Variants in EIF4G3 observed in about 807,000 individuals in gnomAD.
The protein encoded by EIF4G3 is eIF-4-gamma 3.
EIF4G3 carries 34 observed loss-of-function variants against 186.4 expected under a neutral mutation model. That is an observed-to-expected ratio of 0.18 (90% CI 0.14 to 0.24). EIF4G3 has a LOEUF of 0.24. EIF4G3 is among the 10% of genes least tolerant of loss of function. The pLI, the probability that EIF4G3 is intolerant of heterozygous loss-of-function variation, is 1.00. For missense variants in EIF4G3, 1,536 were observed against 1,948.5 expected (o/e 0.79, Z 3.99); for synonymous variants, 673 against 679.5 (o/e 0.99, Z 0.15).
chr1:21,136,320 C>G (rs1373097564), intron 2 of EIF4G3, among the ~76,000 whole-genome samples: 5 of 152,030 alleles, frequency 3.3e-5, no homozygotes, highest in Non-Finnish European at 7.4e-5. Flanking sequence ...AGTTCAAGGC[C>G]AACCTGACCA....
chr1:20,965,126 C>T (rs1427994626), intron 12 of EIF4G3, among the ~76,000 whole-genome samples: 1 of 152,184 alleles, frequency 6.6e-6, no homozygotes, highest in Non-Finnish European at 1.5e-5. Flanking sequence ...CCAAACATAA[C>T]TTTTCCCTGG....
chr1:21,174,848 C>G (rs1046059746), intron 2 of EIF4G3: 4 of 152,214 alleles, frequency 2.6e-5, no homozygotes, highest in African/African-American at 9.7e-5. Context: ...TATCTTTACA[C>G]TGCACCGCGG....
chr1:20,920,745 T>C (rs1040581056), intron 14 of EIF4G3, among the ~76,000 whole-genome samples: 2 of 151,648 alleles, frequency 1.3e-5, no homozygotes, highest in African/African-American at 4.9e-5. Context: ...AGAGCTTGGG[T>C]TTTTTTTCCC....
rs183856702 is a variant in EIF4G3 at position 20,942,140 on chromosome 1, G to A, written c.1014C>T (p.Pro338=). 36 of 1,614,128 alleles carry A rather than the reference G, an allele frequency of 2.2e-5. No individual in the cohort carries two copies. The highest frequency in any genetic ancestry group is 2.7e-5 in the Non-Finnish European group (32 of 1,180,006). ...SSVARSTIAA[P]TSSALSSQPI... is the part of the protein sequence containing the mutation. ...GTTGGCTACTAAGAGCAGAAGAGGTGGGGGCTGCAATTGTACTTCGAGCAA... is the reference window on the plus strand; with the variant it reads ...GTTGGCTACTAAGAGCAGAAGAGGTAGGGGCTGCAATTGTACTTCGAGCAA... The change falls in exon 14 of 37, where the codon CCC becomes CCT. Residue 338 remains proline, a synonymous_variant. Transcript: ENST00000602326.
intron 3 of EIF4G3, 136 bp downstream of exon 3, chr1:21,089,002 T>G: frequency 1.6e-6 from 1 of 613,368 alleles, no homozygotes; most frequent in Non-Finnish European, 2.9e-6. Context: ...AAAGGGCCTA[T>G]CATTCTATTC....
rs553564584 is a variant in EIF4G3, at chr1:20,844,847, A to C, written c.3889-3819T>G. On this transcript the variant is annotated intron_variant, in intron 29 of 36. Coordinates refer to ENST00000602326, the MANE Select transcript of EIF4G3 (RefSeq NM_001391906.1). ...CACTCCATCTCAAAAAACAAACAAA[A>C]AAAAGACAACAACAAAAAAAACCTT... 1.1e-4 allele frequency among the ~76,000 whole-genome samples: 17 copies of C among 152,228 alleles called. 1 individual carries two copies. In the South Asian group the frequency reaches 3.5e-3, roughly 32 times the overall value.
At chr1:20,885,563 T>C (rs142673664) in intron 19 of EIF4G3, among the ~76,000 whole-genome samples, 82 of 152,294 alleles carry the variant, frequency 5.4e-4, no homozygotes, top group African/African-American at 1.9e-3. Flanking sequence ...TTTAAGAGAC[T>C]CCAGTTTTGG....
At chr1:20,882,439 G>A (rs2082675914) in intron 19 of EIF4G3, among the ~76,000 whole-genome samples, 1 of 151,962 alleles carries the variant, frequency 6.6e-6, no homozygotes, top group South Asian at 2.1e-4. Flanking sequence ...GGTCAATGTG[G>A]TGAAACCCCG....
intron 7 of EIF4G3, among the ~76,000 whole-genome samples, chr1:20,989,541 G>A (rs2080515419): frequency 1.6e-5 from 1 of 64,286 alleles, no homozygotes. Flanking sequence ...TGGATAACAA[G>A]AGCAAAACTC....
rs1163268356 is a variant in EIF4G3 at position 20,943,974 on chromosome 1, T to TTGTG, written c.824-1648_824-1645dup. Among the ~76,000 whole-genome samples the TTGTG allele has an allele frequency of 1.9e-3, 120 of 62,520 alleles. 2 individuals carry two copies. Among genetic ancestry groups the TTGTG allele is most frequent in the African/African-American group, 6.1e-3 (112 of 18,278 alleles). The allele number at this position is 62,520 out of a possible 152,430, so 41.0% of individuals were successfully genotyped here. ...TCAGGAAAACTTGTCTTTATTTTTT[T>TTGTG]TGTGTGTGTGTGTGTGTGTGTGTGT... On this transcript the variant is annotated intron_variant, in intron 13 of 36. Transcript: ENST00000602326.
intron 28 of EIF4G3, among the ~76,000 whole-genome samples, chr1:20,850,106 T>A (rs1274448785): frequency 1.3e-5 from 2 of 152,164 alleles, no homozygotes; most frequent in African/African-American, 4.8e-5. Context: ...TAGAACTAAA[T>A]TCCTTCCTTC....
intron 34 of EIF4G3, among the ~76,000 whole-genome samples, chr1:20,813,884 G>A (rs940573748): frequency 6.7e-5 from 10 of 148,956 alleles, no homozygotes; most frequent in East Asian, 3.9e-4. Flanking sequence ...ATACCCTTGC[G>A]TATCAGATAA....
At chr1:21,096,921 T>C (rs1281043129) in intron 2 of EIF4G3, among the ~76,000 whole-genome samples, 3 of 152,212 alleles carry the variant, frequency 2.0e-5, no homozygotes, top group Admixed American at 6.5e-5. Flanking sequence ...GTTTCAGTGA[T>C]GGAACTTAGG....
At chr1:21,128,886 C>T (rs2097099509) in intron 2 of EIF4G3, among the ~76,000 whole-genome samples, 1 of 152,130 alleles carries the variant, frequency 6.6e-6, no homozygotes, top group Admixed American at 6.6e-5. Context: ...ATCACACTCA[C>T]TTTAAAAGGA....
chr1:21,092,399 T>A (rs982666959), intron 2 of EIF4G3, among the ~76,000 whole-genome samples: 1 of 152,172 alleles, frequency 6.6e-6, no homozygotes, highest in African/African-American at 2.4e-5. Context: ...TTGCCAGTAT[T>A]TTATTGAGGA....
At chr1:21,060,765 A>C (rs2154578461) in intron 3 of EIF4G3, among the ~76,000 whole-genome samples, 1 of 144,726 alleles carries the variant, frequency 6.9e-6, no homozygotes, top group South Asian at 2.3e-4. Context: ...TCAACACAGC[A>C]AGATCCTGTC....
intron 30 of EIF4G3, among the ~76,000 whole-genome samples, chr1:20,831,717 C>A (rs2065267909): frequency 6.6e-6 from 1 of 150,400 alleles, no homozygotes; most frequent in South Asian, 2.1e-4. Context: ...ACTAACTCGT[C>A]ATCTAGCATT....
chr1:20,834,640 C>A (rs1374549962), intron 30 of EIF4G3, among the ~76,000 whole-genome samples: 1 of 151,986 alleles, frequency 6.6e-6, no homozygotes, highest in Non-Finnish European at 1.5e-5. Context: ...TAAAAAGAGA[C>A]AAAGGTCATT....
intron 20 of EIF4G3, among the ~76,000 whole-genome samples, chr1:20,871,063 TCTTAAAGGCCTACC>T (rs2079063263): frequency 1.3e-5 from 2 of 152,158 alleles, no homozygotes; most frequent in Admixed American, 1.3e-4. Flanking sequence ...AAAGAATCTT[TCTTAAAGGCCTACC>T]CTTTAAGACT....
Sources: allele counts gnomAD v4.1 joint callset (sites outside exome capture counted in the v4.1 genomes callset), GRCh38; gene constraint gnomAD v4.1.1; transcripts MANE v1.5; gene names NCBI Gene and HGNC (gene_info 2026-07-23, HGNC 2026-07-21).